The following PTGFRN variants were observed in gnomAD, a reference collection of about 807,000 sequenced individuals.
PTGFRN encodes the protein prostaglandin F2 receptor negative regulator.
Under a neutral mutation model 83.2 loss-of-function variants are expected in PTGFRN, and 35 were observed. That is an observed-to-expected ratio of 0.42 (90% CI 0.32 to 0.56). The LOEUF is 0.56. Ranked by LOEUF, PTGFRN falls within the 20% of genes least tolerant of loss-of-function variation. The pLI is 0.11. For synonymous variants in PTGFRN, 519 were observed against 498.6 expected (o/e 1.04, Z -0.55); for missense variants, 1,051 against 1,179.5 (o/e 0.89, Z 1.60).
intron 1 of PTGFRN, among the ~76,000 whole-genome samples, chr1:116,911,389 G>A (rs959264560): frequency 2.0e-5 from 3 of 152,198 alleles, no homozygotes; most frequent in Non-Finnish European, 4.4e-5. Flanking sequence ...GAGGGTTCCA[G>A]AGGAGGCCTT....
chr1:116,968,526 G>C (rs2101081265), intron 6 of PTGFRN, among the ~76,000 whole-genome samples: 1 of 152,132 alleles, frequency 6.6e-6, no homozygotes, highest in African/African-American at 2.4e-5. Context: ...GTATCTGTTT[G>C]TTTTTAATAG....
chr1:116,915,682 G>A (rs1649387745), intron 1 of PTGFRN, among the ~76,000 whole-genome samples: 1 of 152,176 alleles, frequency 6.6e-6, no homozygotes, highest in Non-Finnish European at 1.5e-5. Flanking sequence ...TAGATTGAAT[G>A]TACATTTTCA....
Position 116,961,252 on chromosome 1 carries a change from A to G in PTGFRN, c.1223A>G (p.Tyr408Cys). 1.3e-6 allele frequency: 2 copies of G among 1,511,734 alleles called. No homozygotes were observed. The highest frequency in any genetic ancestry group is 1.8e-6 in the Non-Finnish European group (2 of 1,131,516). 93.6% of individuals were successfully genotyped at this position (1,511,734 alleles called of 1,614,324 possible). A position where few individuals can be genotyped will look rare whatever the true frequency, so the allele number is the denominator to read the frequency against. ...TCTGTCTCTCGTTCAGAACCAGACT[A>G]CCAGGTGTACCTGAATGCTTCCAAG... ...GVGVTWLEPD[Y>C]QVYLNASKVP... Residue 408 changes from tyrosine (Y) to cysteine (C), a missense_variant, in exon 5 of 9, where the codon TAC becomes TGC. Transcript: ENST00000393203. This position sits in a 1 kb window ranked among gnomAD's most constrained non-coding sequence, Gnocchi z 5.4.
chr1:116,980,223 G>A (rs2101089839), intron 7 of PTGFRN, among the ~76,000 whole-genome samples: 1 of 152,276 alleles, frequency 6.6e-6, no homozygotes. Flanking sequence ...AACAGGTGCT[G>A]GAGAGGATGT....
chr1:116,935,882 A>G (rs1277391886), intron 1 of PTGFRN, among the ~76,000 whole-genome samples: 1 of 152,180 alleles, frequency 6.6e-6, no homozygotes, highest in Admixed American at 6.5e-5. Flanking sequence ...TAGTGTCCTC[A>G]ATAGGACTTT....
intron 7 of PTGFRN, among the ~76,000 whole-genome samples, chr1:116,981,161 C>T (rs1651308045): frequency 6.6e-6 from 1 of 152,192 alleles, no homozygotes; most frequent in Non-Finnish European, 1.5e-5. Context: ...CTCTCTCACT[C>T]TTTGACCCTT....
chr1:116,941,003 T>C lies in PTGFRN; in HGVS notation c.50-712T>C, dbSNP rs1650044968. Among the ~76,000 whole-genome samples the C allele has an allele frequency of 6.6e-6, 1 of 152,200 alleles. No homozygotes were observed. On this transcript the variant is annotated intron_variant, in intron 1 of 8. Coordinates refer to ENST00000393203, the MANE Select transcript of PTGFRN (RefSeq NM_020440.4). This position sits in a 1 kb window ranked among gnomAD's most constrained non-coding sequence, Gnocchi z 5.0. Reference sequence around the variant, plus strand: ...CCAGTGAAGTCTTGCCTGTGTCCACTGGGCTTATACCCGGCAACCAGCTGC... The same window carrying C: ...CCAGTGAAGTCTTGCCTGTGTCCACCGGGCTTATACCCGGCAACCAGCTGC...
At chr1:116,933,263 T>C (rs1488450903) in intron 1 of PTGFRN, among the ~76,000 whole-genome samples, 1 of 152,008 alleles carries the variant, frequency 6.6e-6, no homozygotes, top group Non-Finnish European at 1.5e-5. Flanking sequence ...TAGCTTGTTA[T>C]TCAGTCTTTC....
intron 8 of PTGFRN, 30 bp from the exon 9 acceptor site, chr1:116,986,771 C>T (rs1651500808): frequency 6.2e-7 from 1 of 1,609,720 alleles, no homozygotes; most frequent in Non-Finnish European, 8.5e-7. Flanking sequence ...GCAGCACTGA[C>T]TGGCTTCCCC....
Position 116,949,288 on chromosome 1 carries a change from G to A in PTGFRN, c.929G>A (p.Arg310Gln), listed in dbSNP as rs762637949. Residue 310 changes from arginine (R) to glutamine (Q), a missense_variant, in exon 4 of 9, where the codon CGG becomes CAG. By Grantham distance (43) the Arg-to-Gln change is conservative (BLOSUM62 1). Around this residue, in one of 3 missense-constraint regions of PTGFRN, gnomAD observed 719 missense variants for 836.6 expected, o/e 0.86. Coordinates refer to ENST00000393203, the MANE Select transcript of PTGFRN (RefSeq NM_020440.4). ...NITTDRADDV[R>Q]PEVTWSFSRM... is the part of the protein sequence containing the mutation. ...ACAACAGACCGAGCCGATGACGTCCGGCCCGAGGTGACGTGGTCCTTCAGC... is the reference window on the plus strand; with the variant it reads ...ACAACAGACCGAGCCGATGACGTCCAGCCCGAGGTGACGTGGTCCTTCAGC... 32 of 1,614,114 alleles carry A rather than the reference G, an allele frequency of 2.0e-5. No individual in the cohort carries two copies. The highest frequency in any genetic ancestry group is 3.3e-4 in the Middle Eastern group (2 of 6,084).
At chr1:116,937,221 AG>A (rs1649943468) in intron 1 of PTGFRN, among the ~76,000 whole-genome samples, 1 of 149,024 alleles carries the variant, frequency 6.7e-6, no homozygotes, top group Non-Finnish European at 1.5e-5. Flanking sequence ...AGGAACAGAC[AG>A]GAAGTCCAAG....
At chr1:116,910,978 C>T (rs1231410458) in intron 1 of PTGFRN, among the ~76,000 whole-genome samples, 4 of 152,186 alleles carry the variant, frequency 2.6e-5, no homozygotes, top group Non-Finnish European at 5.9e-5. Flanking sequence ...GTCTTCCACC[C>T]TCCGGAAACC....
chr1:116,910,928 C>CT (rs1225144553), intron 1 of PTGFRN, among the ~76,000 whole-genome samples: 1 of 152,212 alleles, frequency 6.6e-6, no homozygotes, highest in Non-Finnish European at 1.5e-5. Flanking sequence ...GCTTCTCCAA[C>CT]TTTTTCTACC....
At chr1:116,970,110 A>G (rs1369707161) in intron 6 of PTGFRN, among the ~76,000 whole-genome samples, 1 of 152,204 alleles carries the variant, frequency 6.6e-6, no homozygotes, top group African/African-American at 2.4e-5. Flanking sequence ...GTAATTGCCC[A>G]GCCAGAACCT....
intron 1 of PTGFRN, among the ~76,000 whole-genome samples, chr1:116,925,380 T>C (rs1422783736): frequency 1.3e-5 from 2 of 151,914 alleles, no homozygotes; most frequent in Non-Finnish European, 2.9e-5. Context: ...TGAGCTGAGA[T>C]TGTGCCACTG....
intron 1 of PTGFRN, among the ~76,000 whole-genome samples, chr1:116,924,552 TAA>T (rs1442548166): frequency 2.6e-5 from 4 of 152,116 alleles, no homozygotes; most frequent in Non-Finnish European, 5.9e-5. Context: ...AGAGTGTAAG[TAA>T]AATTGATGAG....
chr1:116,910,497 C>G (rs1002169846), intron 1 of PTGFRN, among the ~76,000 whole-genome samples: 2 of 151,832 alleles, frequency 1.3e-5, no homozygotes, highest in South Asian at 2.1e-4. Context: ...CAGGCCGAGC[C>G]TCGCCCCCAA....
chr1:116,956,153 C>T (rs2101072914), intron 4 of PTGFRN, among the ~76,000 whole-genome samples: 1 of 152,312 alleles, frequency 6.6e-6, no homozygotes. Flanking sequence ...ATCATATCTT[C>T]TCCAGGAGTG....
intron 2 of PTGFRN, among the ~76,000 whole-genome samples, chr1:116,942,738 T>C (rs571627557): frequency 6.6e-6 from 1 of 152,354 alleles, no homozygotes; most frequent in South Asian, 2.1e-4. Context: ...TTTGCAAATA[T>C]TACACCTTAT....
Sources: gnomAD v4.1 joint callset for allele counts (sites outside exome capture counted in the v4.1 genomes callset) on GRCh38, gnomAD v4.1.1 for gene constraint, gnomAD v4.1.1 regional missense constraint, Gnocchi (gnomAD v3.1) non-coding constraint, MANE v1.5 for transcripts, NCBI Gene and HGNC (gene_info 2026-07-23, HGNC 2026-07-21) for gene names.